The following MYH1 variants were observed in gnomAD, a reference collection of about 807,000 sequenced individuals.
MYH1 encodes the protein myosin-1.
MYH1 carries 214 observed loss-of-function variants against 225.6 expected under a neutral mutation model. The ratio of observed to expected loss-of-function variants is 0.95; its 90% CI spans 0.85 to 1.06. The LOEUF is 1.06. Among genes scored for constraint, MYH1 ranks in the 50% least tolerant of loss-of-function variants. The probability of loss-of-function intolerance (pLI) is 0.00; values close to 1 mark genes in which losing one functional copy is unlikely to be tolerated. For missense variants in MYH1, 2,098 were observed against 2,344.2 expected, an observed-to-expected ratio of 0.89 and a Z score of 2.17; for synonymous variants, 774 against 842.3, an observed-to-expected ratio of 0.92 and a Z score of 1.40.
intron 19 of MYH1, 128 bp from the exon 20 acceptor site, chr17:10,505,639 C>T (rs1327961576): frequency 2.1e-5 from 29 of 1,369,276 alleles, no homozygotes; most frequent in Non-Finnish European, 2.0e-6. Flanking sequence ...ACCCCTTTAT[C>T]TATCCTCTGT....
chr17:10,496,123 G>A lies in MYH1; in HGVS notation c.4996C>T (p.Arg1666Trp), dbSNP rs773071362. 4.0e-5 allele frequency: 65 copies of A among 1,614,130 alleles called. No homozygotes were observed. Among genetic ancestry groups the A allele is most frequent in the South Asian group, 2.3e-4 (21 of 91,080 alleles). ...TGTTCCTTCAGGTCCTCCTGGCTCC[G>A]GAGAGCATCATCCAGGTGGAGCTGG... is the stretch of plus-strand genomic sequence containing the variant. ...DTQLHLDDAL[R>W]SQEDLKEQLA... is the part of the protein sequence containing the mutation. Residue 1666 changes from arginine (R) to tryptophan (W), a missense_variant, in exon 35 of 40, where the codon CGG becomes TGG. Physicochemically the swap from Arg to Trp is moderately radical, Grantham distance 101 (BLOSUM62 -3). Coordinates refer to ENST00000226207, the MANE Select transcript of MYH1 (RefSeq NM_005963.4).
chr17:10,497,652 A>T (rs1300623323), intron 31 of MYH1, 82 bp downstream of exon 31: 7 of 1,571,702 alleles, frequency 4.5e-6, no homozygotes, highest in Non-Finnish European at 6.1e-6. Flanking sequence ...CAGCCCTCAG[A>T]TGGTTTGAAT....
In MYH1 at chr17:10,505,802, A is replaced by G; in HGVS notation, c.2174+10T>C. On this transcript the variant is annotated intron_variant, in intron 19 of 39. Coordinates refer to ENST00000226207, the MANE Select transcript of MYH1 (RefSeq NM_005963.4). ...ACCTCTTAAAATAATTTACAGCAAA[A>G]ATGTCTGACCTCTGTTTGAAGTCTG... The G allele has an allele frequency of 6.2e-7, 1 of 1,613,686 alleles. No individual in the cohort carries two copies. Among genetic ancestry groups the G allele is most frequent in the Non-Finnish European group, 8.5e-7 (1 of 1,179,816 alleles).
At chr17:10,508,036 T>G (rs2073132311) in intron 16 of MYH1, 80 bp from the exon 17 acceptor site, 14 of 1,273,690 alleles carry the variant, frequency 1.1e-5, no homozygotes, top group African/African-American at 1.5e-5. Flanking sequence ...TTGTTTTTTT[T>G]GACGAAGTTT....
chr17:10,516,204 T>A lies in MYH1; in HGVS notation c.343A>T (p.Ile115Phe). The change falls in exon 4 of 40, where the codon ATC (isoleucine) becomes TTC (phenylalanine). Residue 115 changes from isoleucine to phenylalanine, a missense_variant. Coordinates refer to ENST00000226207, the MANE Select transcript of MYH1 (RefSeq NM_005963.4). ...NLKERYAAWM[I>F]YTYSGLFCVT... ...GACCGTGAGAAAGAACTCACGTAGATCATCCAGGCTGCGTAGCGCTCTTTG... is the reference window on the plus strand; with the variant it reads ...GACCGTGAGAAAGAACTCACGTAGAACATCCAGGCTGCGTAGCGCTCTTTG... The A allele has an allele frequency of 1.2e-6, 2 of 1,614,188 alleles. No individual in the cohort carries two copies. Among genetic ancestry groups the A allele is most frequent in the East Asian group, 4.5e-5 (2 of 44,886 alleles).
intron 2 of MYH1, among the ~76,000 whole-genome samples, chr17:10,517,290 G>T (rs763820418): frequency 6.6e-6 from 1 of 152,182 alleles, no homozygotes; most frequent in Non-Finnish European, 1.5e-5. Flanking sequence ...AAGCAGAAAT[G>T]TGTGGCTCTT....
Position 10,499,236 on chromosome 17 carries a change from T to C in MYH1, c.3866-144A>G, listed in dbSNP as rs111551273. 5.1e-5 allele frequency: 36 copies of C among 705,902 alleles called. No homozygotes were observed. In the African/African-American group the frequency reaches 5.6e-4, roughly 11 times the overall value. The allele number at this position is 705,902 out of a possible 1,614,324, so 43.7% of individuals were successfully genotyped here. The stretch of plus-strand genomic sequence containing the variant: ...CAAACCACCAACATCCGCTTTAACC[T>C]TGATAAGCAGATCCATGTAAAAATT... On this transcript the variant is annotated intron_variant, in intron 28 of 39. Coordinates refer to ENST00000226207, the MANE Select transcript of MYH1 (RefSeq NM_005963.4).
chr17:10,507,844 A>G (rs1437047644), intron 17 of MYH1, 42 bp downstream of exon 17: 3 of 1,541,446 alleles, frequency 1.9e-6, no homozygotes, highest in African/African-American at 1.4e-5. Context: ...GAGTACATTT[A>G]ATATCCTAAA....
rs1445820256 is a variant in MYH1 at position 10,497,329 on chromosome 17, C to T, written c.4489G>A (p.Asp1497Asn). 1 of 1,611,872 alleles carries T rather than the reference C, an allele frequency of 6.2e-7. No individual in the cohort carries two copies. Among genetic ancestry groups the T allele is most frequent in the Admixed American group, 1.7e-5 (1 of 59,646 alleles). Residue 1497 changes from aspartate (D) to asparagine (N), a missense_variant, in exon 32 of 40, where the codon GAC becomes AAC. Transcript: ENST00000226207. ...TCCCGTTTCAAGGTTTCAAGTTGGT[C>T]TAAAGATTCCTCATAAGCATTCTTA... Reference protein sequence around the residue: ...KIKNAYEESLDQLETLKRENK... With the variant: ...KIKNAYEESLNQLETLKRENK...
rs2142253558 is a variant in MYH1, at chr17:10,495,017, C to T, written c.5380G>A (p.Val1794Met). ...TCCAGACGATGCTGCAGGTCCTTCA[C>T]CGTCTGTTCCAGGTTCTTCTTCATC... ...ERMKKNLEQT[V>M]KDLQHRLDEA... is the part of the protein sequence containing the mutation. Residue 1794 changes from valine to methionine, a missense_variant, in exon 37 of 40, where the codon GTG becomes ATG. By Grantham distance (21) the Val-to-Met change is conservative. Coordinates refer to ENST00000226207, the MANE Select transcript of MYH1 (RefSeq NM_005963.4). 6.2e-7 allele frequency: 1 copy of T among 1,614,240 alleles called. No individual in the cohort carries two copies. Among genetic ancestry groups the T allele is most frequent in the Non-Finnish European group, 8.5e-7 (1 of 1,180,054 alleles).
At chr17:10,497,510 C>A in intron 31 of MYH1, 58 bp from the exon 32 acceptor site, 4 of 1,562,354 alleles carry the variant, frequency 2.6e-6, no homozygotes, top group African/African-American at 1.4e-5. Flanking sequence ...AGATAAAAAC[C>A]ATCTATTCTA....
chr17:10,497,731 T>C lies in MYH1; in HGVS notation c.4365+3A>G, dbSNP rs768294511. The C allele has an allele frequency of 8.6e-5, 138 of 1,613,432 alleles. No individual in the cohort carries two copies. Among genetic ancestry groups the C allele is most frequent in the Non-Finnish European group, 1.1e-4 (133 of 1,179,918 alleles). ...AAGTTGAAGCAAAAACTGGAGAGAA[T>C]ACCTTATCAAAGTTCCTTTGCTTTT... On this transcript the variant is annotated splice_donor_region_variant and intron_variant, in intron 31 of 39. Transcript: ENST00000226207.
At chr17:10,494,536 A>G in intron 38 of MYH1, 33 bp downstream of exon 38, 1 of 1,611,960 alleles carries the variant, frequency 6.2e-7, no homozygotes, top group Non-Finnish European at 8.5e-7. Flanking sequence ...CATGTGGACT[A>G]AAGTGAAAAC....
chr17:10,509,719 TG>T, intron 14 of MYH1, 64 bp from the exon 15 acceptor site: 1 of 1,613,602 alleles, frequency 6.2e-7, no homozygotes. Flanking sequence ...TTGAAAGGGG[TG>T]TTTTTTTAGT....
intron 30 of MYH1, 104 bp downstream of exon 30, chr17:10,498,522 A>G (rs1033775576): frequency 6.7e-7 from 1 of 1,486,626 alleles, no homozygotes; most frequent in Non-Finnish European, 9.2e-7. Context: ...ATTAATTCCA[A>G]CAATATGGCT....
Position 10,512,763 on chromosome 17 carries a change from T to C in MYH1, c.926A>G (p.Asn309Ser). Residue 309 changes from asparagine (N) to serine (S), a missense_variant, in exon 11 of 40, where the codon AAC becomes AGC. Transcript: ENST00000226207. ...ACTGACGAAGGCATAATCGTATGGG[T>C]TGGTGGTGATCAGGAGCATTTCTGG... ...DLIEMLLITTNPYDYAFVSQG... is the reference protein window; with the variant it reads ...DLIEMLLITTSPYDYAFVSQG... 5 of 1,614,038 alleles carry C rather than the reference T, an allele frequency of 3.1e-6. No homozygotes were observed. Among genetic ancestry groups the C allele is most frequent in the African/African-American group, 1.3e-5 (1 of 74,976 alleles).
Position 10,513,639 on chromosome 17 carries a change from A to C in MYH1, c.792T>G (p.Ala264=), listed in dbSNP as rs748316167. The C allele has an allele frequency of 1.4e-5, 23 of 1,614,094 alleles. No individual in the cohort carries two copies. The highest frequency in any genetic ancestry group is 1.8e-5 in the Non-Finnish European group (21 of 1,179,926). The change falls in exon 9 of 40, where the codon GCT becomes GCG. Residue 264 remains alanine (A), a synonymous_variant. Coordinates refer to ENST00000226207, the MANE Select transcript of MYH1 (RefSeq NM_005963.4). ...HFGTTGKLAS[A]DIETYLLEKS... ...CCTGTTACTCACATGTTTCAATATC[A>C]GCAGAAGCCAGTTTCCCTGTGGTAC...
chr17:10,512,749 C>T lies in MYH1; in HGVS notation c.940G>A (p.Ala314Thr), dbSNP rs1186665786. Residue 314 changes from alanine to threonine, a missense_variant, in exon 11 of 40, where the codon GCC (alanine) becomes ACC (threonine). Transcript: ENST00000226207. Reference sequence around the variant, plus strand: ...GTGATCTCCCCTTGACTGACGAAGGCATAATCGTATGGGTTGGTGGTGATC... The same window carrying T: ...GTGATCTCCCCTTGACTGACGAAGGTATAATCGTATGGGTTGGTGGTGATC... Reference protein sequence around the residue: ...LLITTNPYDYAFVSQGEITVP... With the variant: ...LLITTNPYDYTFVSQGEITVP... 3.1e-6 allele frequency: 5 copies of T among 1,613,898 alleles called. No individual in the cohort carries two copies. Among genetic ancestry groups the T allele is most frequent in the Middle Eastern group, 1.6e-4 (1 of 6,084 alleles).
intron 39 of MYH1, among the ~76,000 whole-genome samples, chr17:10,494,069 C>G (rs1017660505): frequency 6.6e-6 from 1 of 152,196 alleles, no homozygotes; most frequent in South Asian, 2.1e-4. Flanking sequence ...TGAGCTGCCT[C>G]CTGCCTGGCT....
Sources: allele counts gnomAD v4.1 joint callset (sites outside exome capture counted in the v4.1 genomes callset), GRCh38; gene constraint gnomAD v4.1.1; transcripts MANE v1.5; gene names NCBI Gene and HGNC (gene_info 2026-07-23, HGNC 2026-07-21).